PALM2AKAP2: variants seen among roughly 807,000 people sequenced by gnomAD.
PALM2AKAP2 encodes the protein PALM2-AKAP2 fusion protein.
PALM2AKAP2 carries 37 observed loss-of-function variants against 71.5 expected under a neutral mutation model. The observed-to-expected ratio is 0.52, with a 90% CI of 0.40 to 0.68. PALM2AKAP2 has a LOEUF of 0.68. Among genes scored for constraint, PALM2AKAP2 ranks in the 30% least tolerant of loss-of-function variants. The pLI is 0.00. For missense variants in PALM2AKAP2, 1,224 were observed against 1,191.8 expected, an observed-to-expected ratio of 1.03 and a Z score of -0.40; for synonymous variants, 468 against 478.8, an observed-to-expected ratio of 0.98 and a Z score of 0.29.
intron 6 of PALM2AKAP2, among the ~76,000 whole-genome samples, chr9:109,958,130 T>A (rs555520190): frequency 6.6e-6 from 1 of 150,438 alleles, no homozygotes; most frequent in South Asian, 2.1e-4. Context: ...AGAAATATAT[T>A]TGAGGCAGTT....
chr9:109,706,512 C>A (rs1213199577), intron 1 of PALM2AKAP2, among the ~76,000 whole-genome samples: 1 of 152,070 alleles, frequency 6.6e-6, no homozygotes, highest in East Asian at 1.9e-4. Flanking sequence ...TCACAAAATG[C>A]TAAACATAGA....
chr9:110,138,265 C>A, exon 2 of PALM2AKAP2: 1 of 1,614,180 alleles, frequency 6.2e-7, no homozygotes, highest in Admixed American at 1.7e-5. Context: ...AGACCAGGCC[C>A]GAAGGAAGCT....
intron 1 of PALM2AKAP2, among the ~76,000 whole-genome samples, chr9:109,768,943 G>A (rs1455176906): frequency 6.6e-6 from 1 of 152,098 alleles, no homozygotes; most frequent in Admixed American, 6.5e-5. Flanking sequence ...AACATAGTGA[G>A]ACCCTATCTC....
upstream of PALM2AKAP2, among the ~76,000 whole-genome samples, chr9:110,044,577 A>G (rs1248010897): frequency 6.6e-6 from 1 of 150,832 alleles, no homozygotes; most frequent in African/African-American, 2.4e-5. Context: ...GTCTCAAACT[A>G]CTGACCTCAG....
chr9:109,831,941 C>T (rs1828312740), intron 1 of PALM2AKAP2, among the ~76,000 whole-genome samples: 1 of 152,060 alleles, frequency 6.6e-6, no homozygotes, highest in African/African-American at 2.4e-5. Flanking sequence ...AGCAGTAGAG[C>T]CTTACGAATT....
intron 6 of PALM2AKAP2, among the ~76,000 whole-genome samples, chr9:109,970,251 T>C (rs1832040454): frequency 6.6e-6 from 1 of 152,194 alleles, no homozygotes; most frequent in South Asian, 2.1e-4. Flanking sequence ...ACACACAGAA[T>C]ACAGGTACTG....
intron 1 of PALM2AKAP2, among the ~76,000 whole-genome samples, chr9:109,715,311 T>G (rs1428319804): frequency 6.6e-6 from 1 of 152,162 alleles, no homozygotes; most frequent in Non-Finnish European, 1.5e-5. Context: ...TTTTGGGGAC[T>G]TAGGGAAGGC....
At chr9:109,964,101 A>G (rs1455894302) in intron 6 of PALM2AKAP2, among the ~76,000 whole-genome samples, 1 of 152,254 alleles carries the variant, frequency 6.6e-6, no homozygotes, top group African/African-American at 2.4e-5. Context: ...AGAACATAAA[A>G]TATTTAATAA....
chr9:109,792,345 C>G (rs1179291226), intron 1 of PALM2AKAP2, among the ~76,000 whole-genome samples: 1 of 152,154 alleles, frequency 6.6e-6, no homozygotes, highest in Non-Finnish European at 1.5e-5. Context: ...CAGGTTGGTC[C>G]TGAACTCTTG....
At chr9:110,138,324 T>C in exon 2 of PALM2AKAP2, 1 of 1,614,206 alleles carries the variant, frequency 6.2e-7, no homozygotes, top group Non-Finnish European at 8.5e-7. Context: ...ACAGCCTCCC[T>C]CCTGGCCACT....
At chr9:110,105,527 A>G (rs1835099486) in intron 1 of PALM2AKAP2, among the ~76,000 whole-genome samples, 2 of 152,230 alleles carry the variant, frequency 1.3e-5, no homozygotes, top group Non-Finnish European at 2.9e-5. Context: ...CATACTGTAT[A>G]TATGTCATTA....
intron 1 of PALM2AKAP2, among the ~76,000 whole-genome samples, chr9:109,762,915 A>G (rs567056654): frequency 4.0e-4 from 61 of 152,226 alleles, no homozygotes; most frequent in Non-Finnish European, 4.7e-4. Context: ...CAGAGTAAAC[A>G]TTAGGATTTT....
At chr9:110,068,293 G>A (rs1289156556) in intron 1 of PALM2AKAP2, among the ~76,000 whole-genome samples, 2 of 149,714 alleles carry the variant, frequency 1.3e-5, no homozygotes, top group Non-Finnish European at 2.9e-5. Flanking sequence ...TCCTGATGAG[G>A]CTTCTGTACT....
intron 6 of PALM2AKAP2, among the ~76,000 whole-genome samples, chr9:109,987,190 G>T (rs1832394461): frequency 6.6e-6 from 1 of 151,978 alleles, no homozygotes; most frequent in Non-Finnish European, 1.5e-5. Flanking sequence ...GAGTACATTG[G>T]CATGGTCTCA....
intron 1 of PALM2AKAP2, among the ~76,000 whole-genome samples, chr9:109,829,661 T>G (rs1828245680): frequency 6.6e-6 from 1 of 151,552 alleles, no homozygotes; most frequent in African/African-American, 2.4e-5. Flanking sequence ...TCTCTCTTCT[T>G]TATCAGGGCT....
chr9:109,981,589 C>T (rs577001167), intron 6 of PALM2AKAP2, among the ~76,000 whole-genome samples: 38 of 152,338 alleles, frequency 2.5e-4, no homozygotes, highest in African/African-American at 8.2e-4. Context: ...TAGCAAACTT[C>T]TCCCTAGCAT....
chr9:110,049,692 G>C (rs1424267277), intron 1 of PALM2AKAP2, among the ~76,000 whole-genome samples: 1 of 152,178 alleles, frequency 6.6e-6, no homozygotes, highest in Non-Finnish European at 1.5e-5. Context: ...TGGAGGCGAC[G>C]CGCCTGCAAG....
intron 1 of PALM2AKAP2, among the ~76,000 whole-genome samples, chr9:110,118,082 A>G (rs1027952834): frequency 1.3e-5 from 2 of 150,566 alleles, no homozygotes; most frequent in African/African-American, 4.9e-5. Flanking sequence ...ATATTCAAGG[A>G]TCTCCAATGC....
At chr9:109,790,558 G>T (rs1827087536) in intron 1 of PALM2AKAP2, among the ~76,000 whole-genome samples, 1 of 152,138 alleles carries the variant, frequency 6.6e-6, no homozygotes, top group Non-Finnish European at 1.5e-5. Flanking sequence ...ATACCAAATG[G>T]GGCTCTAGGA....
Sources: gnomAD v4.1 joint callset for allele counts (sites outside exome capture counted in the v4.1 genomes callset) on GRCh38, gnomAD v4.1.1 for gene constraint, MANE v1.5 for transcripts, NCBI Gene and HGNC (gene_info 2026-07-23, HGNC 2026-07-21) for gene names.